The following ZNF618 variants were observed in gnomAD, a reference collection of about 807,000 sequenced individuals.
ZNF618 encodes zinc finger protein 618, also known as neural precursor cell expressed, developmentally down-regulated 10.
In ZNF618, 34 loss-of-function variants were observed where a neutral mutation model predicts 103.0. That is an observed-to-expected ratio of 0.33 (90% CI 0.25 to 0.44). The LOEUF (loss-of-function observed/expected upper bound fraction) is 0.44. Among genes scored for constraint, ZNF618 ranks in the 20% least tolerant of loss-of-function variants. ZNF618 has a pLI of 1.00. For missense variants in ZNF618, 1,059 were observed against 1,295.4 expected, an observed-to-expected ratio of 0.82 and a Z score of 2.80; for synonymous variants, 551 against 542.2, an observed-to-expected ratio of 1.02 and a Z score of -0.23.
At chr9:113,958,343 T>C (rs1836514410) in intron 1 of ZNF618, among the ~76,000 whole-genome samples, 2 of 152,260 alleles carry the variant, frequency 1.3e-5, no homozygotes, top group South Asian at 4.1e-4. Context: ...CCACCTCTTA[T>C]GGTAGTTGAG....
chr9:113,886,653 C>T (rs1829095165), intron 1 of ZNF618, among the ~76,000 whole-genome samples: 1 of 151,926 alleles, frequency 6.6e-6, no homozygotes, highest in African/African-American at 2.4e-5. Flanking sequence ...AGAAACTTCC[C>T]TGGGGTGCTA....
chr9:114,025,121 C>T (rs1843385445), intron 10 of ZNF618, among the ~76,000 whole-genome samples: 1 of 152,182 alleles, frequency 6.6e-6, no homozygotes. Context: ...TCAGTTACTC[C>T]GTCATGGCCA....
intron 1 of ZNF618, among the ~76,000 whole-genome samples, chr9:113,951,495 A>ACACACATATATGTG (rs1564207504): frequency 2.5e-5 from 1 of 40,246 alleles, no homozygotes; most frequent in African/African-American, 6.5e-5. Flanking sequence ...ATATGTGTGT[A>ACACACATATATGTG]TGTGTACACA....
chr9:113,946,722 T>C (rs1337122766), intron 1 of ZNF618, among the ~76,000 whole-genome samples: 3 of 152,172 alleles, frequency 2.0e-5, no homozygotes, highest in African/African-American at 7.2e-5. Context: ...CCTCGCAGGA[T>C]GTAGACGGGA....
chr9:113,914,111 T>C (rs1215055654), intron 1 of ZNF618, among the ~76,000 whole-genome samples: 1 of 152,130 alleles, frequency 6.6e-6, no homozygotes, highest in African/African-American at 2.4e-5. Flanking sequence ...CTGGCTAATA[T>C]AAGGAGACAT....
At chr9:114,010,795 G>T (rs954342434) in intron 9 of ZNF618, among the ~76,000 whole-genome samples, 1 of 152,154 alleles carries the variant, frequency 6.6e-6, no homozygotes, top group African/African-American at 2.4e-5. Context: ...TGACCTCCCC[G>T]TTGAGTATCT....
chr9:113,949,647 C>T (rs574648376), intron 1 of ZNF618, among the ~76,000 whole-genome samples: 14 of 152,374 alleles, frequency 9.2e-5, no homozygotes, highest in African/African-American at 3.4e-4. Context: ...CTCTCCCCTC[C>T]CGGACTGAAG....
intron 1 of ZNF618, among the ~76,000 whole-genome samples, chr9:113,906,453 G>A (rs1830999528): frequency 6.6e-6 from 1 of 152,144 alleles, no homozygotes; most frequent in Non-Finnish European, 1.5e-5. Context: ...CTGCCATCAT[G>A]TAGGACTGTT....
intron 9 of ZNF618, among the ~76,000 whole-genome samples, chr9:114,011,283 T>C (rs912170476): frequency 1.3e-5 from 2 of 152,230 alleles, no homozygotes; most frequent in African/African-American, 4.8e-5. Flanking sequence ...TCCTTACACA[T>C]GCATGCAAAG....
chr9:114,016,823 C>A, intron 10 of ZNF618, 39 bp downstream of exon 10: 2 of 1,552,944 alleles, frequency 1.3e-6, no homozygotes, highest in South Asian at 1.1e-5. Flanking sequence ...GGTTGGGGGA[C>A]CCGGGACAGG....
intron 2 of ZNF618, among the ~76,000 whole-genome samples, chr9:113,980,934 A>G (rs762600978): frequency 6.6e-6 from 1 of 152,242 alleles, no homozygotes; most frequent in Non-Finnish European, 1.5e-5. Context: ...CATTGGACTT[A>G]ACAGTTATTA....
Position 114,049,840 on chromosome 9 carries a change from C to A in ZNF618, c.2538C>A (p.Phe846Leu), listed in dbSNP as rs368342418. 2.4e-5 allele frequency: 38 copies of A among 1,613,828 alleles called. No individual in the cohort carries two copies. Among genetic ancestry groups the A allele is most frequent in the Non-Finnish European group, 3.1e-5 (36 of 1,179,912 alleles). The change falls in exon 15 of 15, where the codon TTC (phenylalanine) becomes TTA (leucine). Residue 846 changes from phenylalanine to leucine, a missense_variant. By Grantham distance (22) the Phe-to-Leu change is conservative. This residue lies in a region of ZNF618 where 156 missense variants were observed against 197.1 expected (regional missense o/e 0.79). Coordinates refer to ENST00000374126, the MANE Select transcript of ZNF618 (RefSeq NM_001318042.2). Reference sequence around the variant, plus strand: ...AGTCCTGGGCCGAGGAGGCCGACTTCGAGCCCGCTGCCAAGAAGCCCCGCT... The same window carrying A: ...AGTCCTGGGCCGAGGAGGCCGACTTAGAGCCCGCTGCCAAGAAGCCCCGCT... ...VKESWAEEAD[F>L]EPAAKKPRSA...
At chr9:113,877,294 A>G (rs969791712) in intron 1 of ZNF618, among the ~76,000 whole-genome samples, 1 of 152,204 alleles carries the variant, frequency 6.6e-6, no homozygotes, top group African/African-American at 2.4e-5. Flanking sequence ...ACTAATTGGA[A>G]TAAAGAAAGG....
chr9:114,025,974 CGCTAATGGGGAGAGA>C (rs1292250656), intron 10 of ZNF618, among the ~76,000 whole-genome samples: 1 of 152,158 alleles, frequency 6.6e-6, no homozygotes, highest in Non-Finnish European at 1.5e-5. Context: ...GGAGCATACA[CGCTAATGGGGAGAGA>C]GCCATTGTTC....
At chr9:114,012,471 T>C (rs915430595) in intron 9 of ZNF618, among the ~76,000 whole-genome samples, 13 of 152,166 alleles carry the variant, frequency 8.5e-5, no homozygotes, top group Non-Finnish European at 1.6e-4. Context: ...AGGCCCCATC[T>C]CCACATGCTA....
chr9:113,961,085 C>T (rs962328613), intron 1 of ZNF618, among the ~76,000 whole-genome samples: 20 of 152,226 alleles, frequency 1.3e-4, no homozygotes, highest in African/African-American at 4.8e-4. Context: ...TTAGCTTTAC[C>T]TGCATCTACA....
At chr9:113,975,890 T>C (rs964284055) in intron 2 of ZNF618, among the ~76,000 whole-genome samples, 3 of 152,146 alleles carry the variant, frequency 2.0e-5, no homozygotes, top group African/African-American at 7.2e-5. Context: ...TCTAGAAATG[T>C]ATTTCCAGAA....
At chr9:114,006,924 C>T (rs926866182) in intron 6 of ZNF618, among the ~76,000 whole-genome samples, 3 of 152,210 alleles carry the variant, frequency 2.0e-5, no homozygotes, top group Admixed American at 6.5e-5. Context: ...CAGCTCACAA[C>T]CCAGCAGCCA....
At chr9:114,036,806 G>A (rs1185251222) in intron 13 of ZNF618, among the ~76,000 whole-genome samples, 1 of 152,248 alleles carries the variant, frequency 6.6e-6, no homozygotes, top group Non-Finnish European at 1.5e-5. Context: ...GCCCACCTCA[G>A]AGCAGAGTCT....
Sources: gnomAD v4.1 joint callset for allele counts (sites outside exome capture counted in the v4.1 genomes callset) on GRCh38, gnomAD v4.1.1 for gene constraint, gnomAD v4.1.1 regional missense constraint, MANE v1.5 for transcripts, NCBI Gene and HGNC (gene_info 2026-07-23, HGNC 2026-07-21) for gene names.